The following UBA52 variants were observed in gnomAD, a reference collection of about 807,000 sequenced individuals.
UBA52 encodes ubiquitin-ribosomal protein eL40 fusion protein.
UBA52 carries 1 observed loss-of-function variant against 15.3 expected under a neutral mutation model. The observed-to-expected ratio is 0.07, with a 90% CI of 0.02 to 0.31. The LOEUF is 0.31. UBA52 is among the 10% of genes least tolerant of loss of function. The probability of loss-of-function intolerance (pLI) is 1.00; values close to 1 mark genes in which losing one functional copy is unlikely to be tolerated. For missense variants in UBA52, 87 were observed against 168.0 expected (o/e 0.52, Z 2.66); for synonymous variants, 50 against 58.3 (o/e 0.86, Z 0.65).
At chr19:18,563,786 G>A in the UBA52 span, among the ~76,000 whole-genome samples, 1 of 152,148 alleles carries the variant, frequency 6.6e-6, no homozygotes, top group African/African-American at 2.4e-5. Context: ...ACAGGTGTGA[G>A]CCACCGTGCC....
upstream of UBA52, chr19:18,568,826 TC>T (rs1975389436): frequency 1.7e-6 from 1 of 592,198 alleles, no homozygotes; most frequent in African/African-American, 1.9e-5. Flanking sequence ...CCTTCCTTCC[TC>T]AGAACATCTC....
chr19:18,574,865 T>TG lies in UBA52; in HGVS notation c.191-4dup, dbSNP rs770744540. The TG allele has an allele frequency of 3.1e-6, 5 of 1,613,012 alleles. No individual in the cohort carries two copies. Among genetic ancestry groups the TG allele is most frequent in the African/African-American group, 1.3e-5 (1 of 74,924 alleles). ...AGTCGCCGTCCTTCTGGCTGTCTCC[T>TG]GCAGAGTCCACCCTGCACCTGGTGT... On this transcript the variant is annotated splice_region_variant and splice_polypyrimidine_tract_variant and intron_variant, in intron 3 of 4. Transcript: ENST00000442744.
At chr19:18,564,977 A>G in the UBA52 span, 1 of 1,611,142 alleles carries the variant, frequency 6.2e-7, no homozygotes, top group Middle Eastern at 1.6e-4. Flanking sequence ...CGAGGACCCT[A>G]GTAGAGATGA....
chr19:18,572,508 T>C (rs1329191966), intron 1 of UBA52: 1 of 152,300 alleles, frequency 6.6e-6, no homozygotes, highest in Admixed American at 6.6e-5. Context: ...TTTTGTAGTT[T>C]TAGTAGAGAC....
Position 18,575,166 on chromosome 19 carries a change from G to A in UBA52, c.*16G>A, listed in dbSNP as rs1393859181. ...GGTCAAATAAGGTGGTTCTTTCCTT[G>A]AAGGGCAGCCTCCTGCCCAGGCCCC... On this transcript the variant is annotated 3_prime_UTR_variant, in exon 5 of 5. Transcript: ENST00000442744. 2 of 1,613,928 alleles carry A rather than the reference G, an allele frequency of 1.2e-6. No homozygotes were observed. Among genetic ancestry groups the A allele is most frequent in the African/African-American group, 1.3e-5 (1 of 74,922 alleles).
chr19:18,574,795 C>T, intron 3 of UBA52, 75 bp from the exon 4 acceptor site: 1 of 1,571,004 alleles, frequency 6.4e-7, no homozygotes, highest in Non-Finnish European at 8.6e-7. Flanking sequence ...GACTATAGGC[C>T]CTGGAGGGTC....
chr19:18,575,229 A>T lies in UBA52; in HGVS notation c.*79A>T. On this transcript the variant is annotated 3_prime_UTR_variant, in exon 5 of 5. Transcript: ENST00000442744. ...CCTCAATAAAGTGTCCCTTTCATTG[A>T]CTGGAGCAGCAATTGGTGTCCTCAT... 6.4e-7 allele frequency: 1 copy of T among 1,551,958 alleles called. No individual in the cohort carries two copies. Among genetic ancestry groups the T allele is most frequent in the Non-Finnish European group, 8.8e-7 (1 of 1,134,086 alleles).
chr19:18,573,382 G>C lies in UBA52; in HGVS notation c.82G>C (p.Ala28Pro). 1 of 1,614,124 alleles carries C rather than the reference G, an allele frequency of 6.2e-7. No homozygotes were observed. The highest frequency in any genetic ancestry group is 8.5e-7 in the Non-Finnish European group (1 of 1,179,988). Residue 28 changes from alanine (A) to proline (P), a missense_variant, in exon 2 of 5, where the codon GCC (alanine) becomes CCC (proline). Coordinates refer to ENST00000442744, the MANE Select transcript of UBA52 (RefSeq NM_001033930.3). The part of the protein sequence containing the change: ...EPSDTIENVK[A>P]KIQDKEGIPP... ...CAGTGACACCATTGAGAATGTCAAA[G>C]CCAAAATTCAAGACAAGGAGGGTGA...
chr19:18,564,977 A>C, the UBA52 span: 10 of 1,611,142 alleles, frequency 6.2e-6, no homozygotes, highest in Non-Finnish European at 4.2e-6. Flanking sequence ...CGAGGACCCT[A>C]GTAGAGATGA....
At chr19:18,573,569 G>A in intron 2 of UBA52, 93 bp from the exon 3 acceptor site, 1 of 1,446,904 alleles carries the variant, frequency 6.9e-7, no homozygotes, top group Non-Finnish European at 9.6e-7. Flanking sequence ...TTGGCCTTTT[G>A]AGAAACTGGG....
intron 1 of UBA52, chr19:18,572,961 G>A: frequency 8.6e-7 from 1 of 1,160,674 alleles, no homozygotes; most frequent in Non-Finnish European, 1.1e-6. Flanking sequence ...ATGCCAAAGG[G>A]TACTTATTCC....
the UBA52 span, chr19:18,564,759 A>G: frequency 2.4e-6 from 3 of 1,227,016 alleles, no homozygotes; most frequent in African/African-American, 3.0e-5. Flanking sequence ...GGAACAGCCC[A>G]TGCAAAGGTT....
chr19:18,574,481 A>G (rs922650014), intron 3 of UBA52, among the ~76,000 whole-genome samples: 1 of 151,962 alleles, frequency 6.6e-6, no homozygotes, highest in South Asian at 2.1e-4. Context: ...TAGTAGAGAC[A>G]GGGTTTCACT....
chr19:18,565,040 C>T, the UBA52 span: 6 of 1,522,264 alleles, frequency 3.9e-6, no homozygotes, highest in Non-Finnish European at 5.2e-6. Flanking sequence ...TCAGTGCCAC[C>T]CCAGCCCAGC....
At position 18,575,236 on chromosome 19, in the gene UBA52, C is replaced by T. The variant is rs747569286; in HGVS notation, c.*86C>T. 2 of 1,512,818 alleles carry T rather than the reference C, an allele frequency of 1.3e-6. No homozygotes were observed. The highest frequency in any genetic ancestry group is 1.4e-5 in the African/African-American group (1 of 72,672). 93.7% of individuals were successfully genotyped at this position (1,512,818 alleles called of 1,614,324 possible). ...AAAGTGTCCCTTTCATTGACTGGAG[C>T]AGCAATTGGTGTCCTCATGGCTGAT... On this transcript the variant is annotated 3_prime_UTR_variant, in exon 5 of 5. Coordinates refer to ENST00000442744, the MANE Select transcript of UBA52 (RefSeq NM_001033930.3).
the UBA52 span, among the ~76,000 whole-genome samples, chr19:18,566,619 C>T: frequency 4.0e-5 from 6 of 151,768 alleles, no homozygotes; most frequent in Non-Finnish European, 8.8e-5. Context: ...GATGAAATCC[C>T]GTCTCTACTA....
At chr19:18,573,804 G>T in intron 3 of UBA52, 56 bp downstream of exon 3, 1 of 1,530,388 alleles carries the variant, frequency 6.5e-7, no homozygotes, top group Middle Eastern at 1.7e-4. Context: ...CCTAGGAAAG[G>T]AGCATTGATG....
At chr19:18,567,318 C>A, upstream of UBA52, 1 of 821,386 alleles carries the variant, frequency 1.2e-6, no homozygotes. Context: ...GGGGTGGGGG[C>A]AGGGTCAGGG....
In UBA52 at chr19:18,573,297, A is replaced by G; in HGVS notation, c.-4A>G. On this transcript the variant is annotated 5_prime_UTR_variant, in exon 2 of 5. Coordinates refer to ENST00000442744, the MANE Select transcript of UBA52 (RefSeq NM_001033930.3). Reference sequence around the variant, plus strand: ...CTGCCTCCCTTCCTCCTGCAGACGCAAACATGCAGATCTTTGTGAAGACCC... The same window carrying G: ...CTGCCTCCCTTCCTCCTGCAGACGCGAACATGCAGATCTTTGTGAAGACCC... 1 of 1,614,164 alleles carries G rather than the reference A, an allele frequency of 6.2e-7. No individual in the cohort carries two copies. The highest frequency in any genetic ancestry group is 8.5e-7 in the Non-Finnish European group (1 of 1,180,008).
Sources: gnomAD v4.1 joint callset for allele counts (sites outside exome capture counted in the v4.1 genomes callset) on GRCh38, gnomAD v4.1.1 for gene constraint, MANE v1.5 for transcripts, NCBI Gene and HGNC (gene_info 2026-07-23, HGNC 2026-07-21) for gene names.